Variants in PCSK5 observed in about 807,000 individuals in gnomAD.
The protein encoded by PCSK5 is proprotein convertase subtilisin/kexin type 5.
A neutral mutation model predicts 233.2 loss-of-function variants in PCSK5; 129 were observed. That is an observed-to-expected ratio of 0.55 (90% confidence interval 0.48 to 0.64). The LOEUF (loss-of-function observed/expected upper bound fraction) is 0.64, where lower values mean the gene tolerates loss of function less well. Among genes scored for constraint, PCSK5 ranks in the 30% least tolerant of loss-of-function variants. The pLI is 0.00. For missense variants in PCSK5, 2,076 were observed against 2,430.1 expected (o/e 0.85, Z 3.06); for synonymous variants, 825 against 879.2 (o/e 0.94, Z 1.09).
At chr9:76,143,965 A>T (rs1006098688) in intron 10 of PCSK5, among the ~76,000 whole-genome samples, 1 of 152,226 alleles carries the variant, frequency 6.6e-6, no homozygotes, top group Non-Finnish European at 1.5e-5. Flanking sequence ...TTTAGCATAC[A>T]ATTGCAGTCT....
chr9:76,352,599 C>A (rs1830195069), intron 36 of PCSK5, among the ~76,000 whole-genome samples: 1 of 152,018 alleles, frequency 6.6e-6, no homozygotes, highest in South Asian at 2.1e-4. Flanking sequence ...AACTCCTGGG[C>A]TCAAGCCATC....
In PCSK5 at chr9:76,209,167, T is replaced by C. The variant is rs371965228; in HGVS notation, c.2627-18336T>C. On this transcript the variant is annotated intron_variant, in intron 20 of 37. Transcript: ENST00000674117. ...TCTAGCCTACTAAAAGCAAAATTAC[T>C]GTACTGCATGTTGGTAATTAACCTT... is the stretch of plus-strand genomic sequence containing the variant. Among the ~76,000 whole-genome samples, 40 of 152,358 alleles carry C rather than the reference T, an allele frequency of 2.6e-4. No homozygotes were observed. In the South Asian group the frequency reaches 2.7e-3, roughly 10 times the overall value.
chr9:76,032,600 A>G (rs1828694798), intron 5 of PCSK5, among the ~76,000 whole-genome samples: 4 of 152,196 alleles, frequency 2.6e-5, no homozygotes, highest in African/African-American at 4.8e-5. Context: ...TGCTAAAGAA[A>G]TAGCGTGATT....
At chr9:76,029,792 G>A (rs976745632) in intron 5 of PCSK5, among the ~76,000 whole-genome samples, 7 of 152,168 alleles carry the variant, frequency 4.6e-5, no homozygotes, top group Non-Finnish European at 2.9e-5. Flanking sequence ...GAGGAGGTAC[G>A]TAGGCAAGGT....
intron 3 of PCSK5, among the ~76,000 whole-genome samples, chr9:75,997,365 A>G (rs563735843): frequency 5.3e-5 from 8 of 152,340 alleles, no homozygotes; most frequent in African/African-American, 1.7e-4. Flanking sequence ...AATGAATTGG[A>G]AAGAAGACAA....
Position 76,332,440 on chromosome 9 carries a change from C to A in PCSK5, c.4578C>A (p.Thr1526=). ...TTTTTTCTCCCATGACAGACACAAC[C>A]TGTGTGAAGGACTGCCCAGAGGGCT... The part of the protein sequence containing the change: ...CPMNSLLLNT[T]CVKDCPEGYY... Residue 1526 remains threonine, a synonymous_variant, in exon 34 of 38, where the codon ACC becomes ACA. Coordinates refer to ENST00000674117, the MANE Select transcript of PCSK5 (RefSeq NM_001372043.1). The A allele has an allele frequency of 6.2e-7, 1 of 1,610,970 alleles. No homozygotes were observed. Among genetic ancestry groups the A allele is most frequent in the South Asian group, 1.1e-5 (1 of 90,736 alleles).
intron 19 of PCSK5, among the ~76,000 whole-genome samples, 174 bp from the exon 20 acceptor site, chr9:76,189,457 C>G (rs935759644): frequency 1.3e-5 from 2 of 152,208 alleles, no homozygotes; most frequent in African/African-American, 4.8e-5. Context: ...GCTCCATACC[C>G]TTTAAAATCA....
chr9:76,095,558 T>C (rs148622571), intron 7 of PCSK5, among the ~76,000 whole-genome samples: 1 of 152,278 alleles, frequency 6.6e-6, no homozygotes, highest in Non-Finnish European at 1.5e-5. Flanking sequence ...GTACCTCAAG[T>C]TTCTCCACAG....
At chr9:76,075,990 GGTAAGTGTATGAATAAAAGTAAAGT>G (rs1301576489) in intron 7 of PCSK5, among the ~76,000 whole-genome samples, 36 of 152,134 alleles carry the variant, frequency 2.4e-4, no homozygotes, top group Middle Eastern at 3.2e-3. Flanking sequence ...TTCAGCTCAG[GGTAAGTGTATGAATAAAAGTAAAGT>G]GATTTCTGCT....
intron 17 of PCSK5, among the ~76,000 whole-genome samples, chr9:76,185,646 C>G (rs946149825): frequency 5.9e-5 from 9 of 152,106 alleles, no homozygotes; most frequent in South Asian, 4.1e-4. Context: ...ATTTTCATCT[C>G]AAGACTTCAG....
rs1369241131 is a variant in PCSK5 at position 75,982,771 on chromosome 9, A to G, written c.298-3361A>G. ...GTGCTTTTTTTTTTTTTTTTTGGCC[A>G]TGTCGTTCACATTATTTTTATGTAG... On this transcript the variant is annotated intron_variant, in intron 2 of 37. Transcript: ENST00000674117. Among the ~76,000 whole-genome samples the G allele has an allele frequency of 2.6e-5, 3 of 116,972 alleles. No homozygotes were observed. In the East Asian group the frequency reaches 7.1e-4, roughly 28 times the overall value. 76.7% of individuals were successfully genotyped at this position (116,972 alleles called of 152,430 possible).
chr9:76,274,462 T>C (rs1406460290), intron 24 of PCSK5, among the ~76,000 whole-genome samples: 2 of 152,226 alleles, frequency 1.3e-5, no homozygotes, highest in Non-Finnish European at 2.9e-5. Context: ...GATTTCCTTA[T>C]GTGGTCTATG....
chr9:76,227,934 A>G (rs7867671), intron 21 of PCSK5, among the ~76,000 whole-genome samples: 29,726 of 151,346 alleles, frequency 0.2, 3,073 homozygotes, highest in Admixed American at 0.24. Flanking sequence ...CTGGTCAAGT[A>G]TCTACTTATT....
chr9:76,009,629 G>GAA (rs71499123), intron 3 of PCSK5, among the ~76,000 whole-genome samples: 53 of 123,326 alleles, frequency 4.3e-4, no homozygotes, highest in Middle Eastern at 4.4e-3. Context: ...CCGTCTCAAG[G>GAA]AAAAAAAAAA....
intron 5 of PCSK5, among the ~76,000 whole-genome samples, chr9:76,039,294 A>G (rs1356494083): frequency 6.6e-6 from 1 of 152,182 alleles, no homozygotes. Flanking sequence ...AAACAAAAAT[A>G]CCCAGAACTT....
intron 1 of PCSK5, among the ~76,000 whole-genome samples, chr9:75,893,743 C>T (rs1329480819): frequency 1.3e-5 from 2 of 152,170 alleles, no homozygotes; most frequent in Non-Finnish European, 2.9e-5. Flanking sequence ...ATACAAATAA[C>T]ACCAAGGATG....
At chr9:76,021,960 C>T (rs754709889) in intron 3 of PCSK5, among the ~76,000 whole-genome samples, 5 of 152,162 alleles carry the variant, frequency 3.3e-5, no homozygotes, top group Non-Finnish European at 5.9e-5. Flanking sequence ...TTCTTTGATA[C>T]GCTGAACTCT....
At chr9:76,275,063 C>T (rs1167462527) in intron 24 of PCSK5, among the ~76,000 whole-genome samples, 1 of 152,104 alleles carries the variant, frequency 6.6e-6, no homozygotes, top group Non-Finnish European at 1.5e-5. Context: ...GACCCAAACA[C>T]CTCTCATTAG....
At chr9:76,155,086 G>C (rs1451822962) in intron 10 of PCSK5, among the ~76,000 whole-genome samples, 2 of 152,134 alleles carry the variant, frequency 1.3e-5, no homozygotes, top group Admixed American at 1.3e-4. Context: ...AATTGCAGAA[G>C]TACCTGTATA....
Sources: allele counts gnomAD v4.1 joint callset (sites outside exome capture counted in the v4.1 genomes callset), GRCh38; gene constraint gnomAD v4.1.1; transcripts MANE v1.5; gene names NCBI Gene and HGNC (gene_info 2026-07-23, HGNC 2026-07-21).